OGFRL1: variants seen among roughly 807,000 people sequenced by gnomAD.
OGFRL1 encodes opioid growth factor receptor like 1, also known as opioid growth factor receptor-like protein 1.
A neutral mutation model predicts 32.4 loss-of-function variants in OGFRL1; 26 were observed. That is an observed-to-expected ratio of 0.80 (90% CI 0.59 to 1.11). The LOEUF (loss-of-function observed/expected upper bound fraction) is 1.11. Ranked by LOEUF, OGFRL1 falls within the 50% of genes most tolerant of loss-of-function variation. The pLI, the probability that OGFRL1 is intolerant of heterozygous loss-of-function variation, is 0.00. For missense variants in OGFRL1, 521 were observed against 546.4 expected (o/e 0.95, Z 0.46); for synonymous variants, 211 against 201.2 (o/e 1.05, Z -0.41).
At chr6:71,300,805 T>C (rs2149356456) in intron 6 of OGFRL1, among the ~76,000 whole-genome samples, 1 of 152,336 alleles carries the variant, frequency 6.6e-6, no homozygotes, top group Non-Finnish European at 1.5e-5. Context: ...CCAAAGCCCA[T>C]GCTCTTAACT....
chr6:71,301,900 A>C lies in OGFRL1; in HGVS notation c.1207A>C (p.Met403Leu). Residue 403 changes from methionine (M) to leucine (L), a missense_variant, in exon 7 of 7, where the codon ATG becomes CTG. Physicochemically the swap from Met to Leu is conservative, Grantham distance 15. Coordinates refer to ENST00000370435, the MANE Select transcript of OGFRL1 (RefSeq NM_024576.5). ...AGAGAAGGACAGTAATGCTGAGAAC[A>C]TGAATTCTCAACCTGAGAAAACAGT... ...NTEKDSNAEN[M>L]NSQPEKTVTT... 6.2e-7 allele frequency: 1 copy of C among 1,614,076 alleles called. No individual in the cohort carries two copies. Among genetic ancestry groups the C allele is most frequent in the Non-Finnish European group, 8.5e-7 (1 of 1,179,998 alleles).
intron 6 of OGFRL1, 35 bp from the exon 7 acceptor site, chr6:71,301,351 T>A (rs767803757): frequency 8.0e-6 from 12 of 1,497,914 alleles, no homozygotes; most frequent in Non-Finnish European, 1.1e-5. Context: ...TACACCTGAT[T>A]TCCCCCACTC....
In OGFRL1 at chr6:71,303,655, T is replaced by A. The variant is rs1437166933; in HGVS notation, c.*1606T>A. The A allele has an allele frequency of 6.6e-6, 1 of 152,196 alleles. No homozygotes were observed. Among genetic ancestry groups the A allele is most frequent in the African/African-American group, 2.4e-5 (1 of 41,452 alleles). The allele number at this position is 152,196 out of a possible 1,614,324, so 9.4% of individuals were successfully genotyped here. ...GGATTACGAAATTAGTAATGTTGCT[T>A]AGCCCAAACGTGTTTTTTAAAAAGT... On this transcript the variant is annotated 3_prime_UTR_variant, in exon 7 of 7. Coordinates refer to ENST00000370435, the MANE Select transcript of OGFRL1 (RefSeq NM_024576.5).
Position 71,302,178 on chromosome 6 carries a change from TTTG to T in OGFRL1, c.*135_*137del, listed in dbSNP as rs1766420368. ...TGTTTGTGATTTCTGTCATAAGCAT[TTTG>T]TTGTTTGTTTTTTTATTTTGGATGA... is the stretch of plus-strand genomic sequence containing the variant. On this transcript the variant is annotated 3_prime_UTR_variant, in exon 7 of 7. Coordinates refer to ENST00000370435, the MANE Select transcript of OGFRL1 (RefSeq NM_024576.5). 3 of 740,464 alleles carry T rather than the reference TTTG, an allele frequency of 4.1e-6. No homozygotes were observed. The highest frequency in any genetic ancestry group is 6.0e-6 in the Non-Finnish European group (3 of 503,572). 45.9% of individuals were successfully genotyped at this position (740,464 alleles called of 1,614,324 possible). A position where few individuals can be genotyped will look rare whatever the true frequency, so the allele number is the denominator to read the frequency against.
intron 1 of OGFRL1, among the ~76,000 whole-genome samples, chr6:71,290,865 C>T (rs149110713): frequency 2.0e-5 from 3 of 152,294 alleles, no homozygotes; most frequent in Admixed American, 1.3e-4. Flanking sequence ...GTTAAATCAA[C>T]GATTCTCTTG....
At position 71,289,132 on chromosome 6, in the gene OGFRL1, G is replaced by A; in HGVS notation, c.196G>A (p.Ala66Thr). The A allele has an allele frequency of 1.8e-6, 2 of 1,105,422 alleles. No homozygotes were observed. Among genetic ancestry groups the A allele is most frequent in the South Asian group, 8.6e-5 (2 of 23,374 alleles). 68.5% of individuals were successfully genotyped at this position (1,105,422 alleles called of 1,614,324 possible). A position where few individuals can be genotyped will look rare whatever the true frequency, so the allele number is the denominator to read the frequency against. The change falls in exon 1 of 7, where the codon GCG becomes ACG. Residue 66 changes from alanine (A) to threonine (T), a missense_variant. Ala to Thr is a moderately conservative substitution (Grantham distance 58). Coordinates refer to ENST00000370435, the MANE Select transcript of OGFRL1 (RefSeq NM_024576.5). ...CGGCGGGCGGCCCGGCGCCAGCCCCGCGCCGGACGAGGACGCCGAGGCGGC... is the reference window on the plus strand; with the variant it reads ...CGGCGGGCGGCCCGGCGCCAGCCCCACGCCGGACGAGGACGCCGAGGCGGC... Reference protein sequence around the residue: ...QAGGRPGASPAPDEDAEAAGA... With the variant: ...QAGGRPGASPTPDEDAEAAGA...
chr6:71,306,502 G>A lies in OGFRL1; in HGVS notation c.*4453G>A, dbSNP rs1213280229. On this transcript the variant is annotated 3_prime_UTR_variant, in exon 7 of 7. Transcript: ENST00000370435. ...CAGATGTGCCTTAACAAATGTAAAT[G>A]GTTTTCATTCAGAAGTTTACATTTT... The A allele has an allele frequency of 1.3e-5, 2 of 152,074 alleles. No individual in the cohort carries two copies. Among genetic ancestry groups the A allele is most frequent in the East Asian group, 1.9e-4 (1 of 5,182 alleles). The allele number at this position is 152,074 out of a possible 1,614,324, so 9.4% of individuals were successfully genotyped here. A position where few individuals can be genotyped will look rare whatever the true frequency, so the allele number is the denominator to read the frequency against.
intron 6 of OGFRL1, among the ~76,000 whole-genome samples, chr6:71,297,547 A>T (rs1766249362): frequency 6.6e-6 from 1 of 152,010 alleles, no homozygotes; most frequent in African/African-American, 2.4e-5. Context: ...AACTAATTAT[A>T]GTTACATTTA....
chr6:71,296,617 C>T, intron 5 of OGFRL1, 55 bp from the exon 6 acceptor site: 10 of 1,607,236 alleles, frequency 6.2e-6, no homozygotes, highest in Non-Finnish European at 8.5e-6. Flanking sequence ...TGCTATTTCA[C>T]TGTCCTTGTA....
At chr6:71,300,993 A>G (rs555129106) in intron 6 of OGFRL1, among the ~76,000 whole-genome samples, 1 of 152,342 alleles carries the variant, frequency 6.6e-6, no homozygotes, top group South Asian at 2.1e-4. Context: ...ATGTTTAGCA[A>G]TGGTTACCTC....
intron 1 of OGFRL1, among the ~76,000 whole-genome samples, chr6:71,292,831 G>A (rs1225701845): frequency 6.6e-6 from 1 of 152,114 alleles, no homozygotes; most frequent in East Asian, 1.9e-4. Context: ...TGACTTCCAA[G>A]TACAGCTAAA....
rs778015946 is a variant in OGFRL1, at chr6:71,301,389, C to A, written c.696C>A (p.Ser232=). ...TTTATTCAATCCTCTCTTCCAGGTC[C>A]CAGCACAACTATTTAAGAATCACTC... is the stretch of plus-strand genomic sequence containing the variant. ...WQERFQHLNE[S]QHNYLRITRI... is the part of the protein sequence containing the mutation. The change falls in exon 7 of 7, where the codon TCC becomes TCA. Residue 232 remains serine, a synonymous_variant. Transcript: ENST00000370435. 1 of 1,565,164 alleles carries A rather than the reference C, an allele frequency of 6.4e-7. No individual in the cohort carries two copies. Among genetic ancestry groups the A allele is most frequent in the East Asian group, 2.2e-5 (1 of 44,458 alleles).
Position 71,289,094 on chromosome 6 carries a change from C to T in OGFRL1, c.158C>T (p.Pro53Leu), listed in dbSNP as rs1765953348. The T allele has an allele frequency of 1.8e-6, 2 of 1,124,886 alleles. No homozygotes were observed. The highest frequency in any genetic ancestry group is 5.0e-5 in the Admixed American group (1 of 19,930). The allele number at this position is 1,124,886 out of a possible 1,614,324, so 69.7% of individuals were successfully genotyped here. A position where few individuals can be genotyped will look rare whatever the true frequency, so the allele number is the denominator to read the frequency against. Residue 53 changes from proline to leucine, a missense_variant, in exon 1 of 7, where the codon CCC becomes CTC. By Grantham distance (98) the Pro-to-Leu change is moderately conservative. Transcript: ENST00000370435. ...CAGGAGTCCGAGCAGCCCGCGCAGC[C>T]CCCGGAGCAAGCCGGCGGGCGGCCC... ...PGQESEQPAQ[P>L]PEQAGGRPGA...
At position 71,288,867 on chromosome 6, in the gene OGFRL1, G is replaced by C. The variant is rs1472912261; in HGVS notation, c.-70G>C. The C allele has an allele frequency of 8.2e-6, 9 of 1,091,042 alleles. No homozygotes were observed. The highest frequency in any genetic ancestry group is 1.0e-5 in the Non-Finnish European group (9 of 893,924). The allele number at this position is 1,091,042 out of a possible 1,614,324, so 67.6% of individuals were successfully genotyped here. A position where few individuals can be genotyped will look rare whatever the true frequency, so the allele number is the denominator to read the frequency against. ...CAGCGCCCTCGCCGCGGCCATGCCC[G>C]GGCCCTAGAGCGCCTGCCGCAGCTT... On this transcript the variant is annotated 5_prime_UTR_variant, in exon 1 of 7. Transcript: ENST00000370435.
rs1012492976 is a variant in OGFRL1 at position 71,306,286 on chromosome 6, A to G, written c.*4237A>G. ...TTGCTGGCTTCTTTTTGAGTTTTGT[A>G]CTGTTTATTACAGGAACATATTTGT... On this transcript the variant is annotated 3_prime_UTR_variant, in exon 7 of 7. Transcript: ENST00000370435. 2.6e-5 allele frequency: 4 copies of G among 151,966 alleles called. No individual in the cohort carries two copies. Among genetic ancestry groups the G allele is most frequent in the Non-Finnish European group, 4.4e-5 (3 of 67,980 alleles). 9.4% of individuals were successfully genotyped at this position (151,966 alleles called of 1,614,324 possible).
chr6:71,301,658 G>A lies in OGFRL1; in HGVS notation c.965G>A (p.Gly322Glu), dbSNP rs765415623. ...WGPPRKEQSE[G>E]SKAQKMSSPL... The stretch of plus-strand genomic sequence containing the variant: ...CCGCCTCGAAAAGAACAGTCGGAGG[G>A]AAGCAAAGCCCAGAAAATGTCTTCC... The change falls in exon 7 of 7, where the codon GGA becomes GAA. Residue 322 changes from glycine to glutamate, a missense_variant. By Grantham distance (98) the Gly-to-Glu change is moderately conservative. Coordinates refer to ENST00000370435, the MANE Select transcript of OGFRL1 (RefSeq NM_024576.5). 6.2e-7 allele frequency: 1 copy of A among 1,614,034 alleles called. No homozygotes were observed.
intron 6 of OGFRL1, among the ~76,000 whole-genome samples, chr6:71,298,387 G>A (rs1357108707): frequency 6.6e-6 from 1 of 152,090 alleles, no homozygotes; most frequent in Non-Finnish European, 1.5e-5. Context: ...CATCTTTCAT[G>A]TACTTAACGA....
intron 6 of OGFRL1, among the ~76,000 whole-genome samples, chr6:71,297,864 A>G (rs1377237819): frequency 6.6e-6 from 1 of 151,780 alleles, no homozygotes; most frequent in Non-Finnish European, 1.5e-5. Context: ...CAGGTTAGTT[A>G]CATATGTATA....
At chr6:71,297,662 G>T (rs1766252575) in intron 6 of OGFRL1, among the ~76,000 whole-genome samples, 1 of 151,944 alleles carries the variant, frequency 6.6e-6, no homozygotes, top group African/African-American at 2.4e-5. Context: ...AGTACTAAGA[G>T]CAAAAAAATT....
Sources: allele counts gnomAD v4.1 joint callset (sites outside exome capture counted in the v4.1 genomes callset), GRCh38; gene constraint gnomAD v4.1.1; transcripts MANE v1.5; gene names NCBI Gene and HGNC (gene_info 2026-07-23, HGNC 2026-07-21).